The following CEP192 variants were observed in gnomAD, a reference collection of about 807,000 sequenced individuals.
CEP192 encodes centrosomal protein 192.
A neutral mutation model predicts 271.8 loss-of-function variants in CEP192; 151 were observed. The ratio of observed to expected loss-of-function variants is 0.56; its 90% CI spans 0.49 to 0.64. The LOEUF is 0.64. CEP192 is among the 30% of genes least tolerant of loss of function. The pLI is 0.00. For synonymous variants in CEP192, 995 were observed against 1,076.5 expected (o/e 0.92, Z 1.48); for missense variants, 2,910 against 3,020.5 (o/e 0.96, Z 0.86).
chr18:13,034,527 G>A (rs77731688), intron 11 of CEP192, among the ~76,000 whole-genome samples: 4,282 of 152,002 alleles, frequency 0.028, 75 homozygotes, highest in Non-Finnish European at 0.041. Context: ...GCCTGCCTCG[G>A]CCGGGCGCAG....
intron 44 of CEP192, among the ~76,000 whole-genome samples, chr18:13,122,012 G>A (rs1028551064): frequency 1.3e-5 from 2 of 152,206 alleles, no homozygotes; most frequent in Non-Finnish European, 2.9e-5. Context: ...TTTTGGGCCG[G>A]GCATGGTGGC....
chr18:13,075,446 G>T (rs955836927), intron 30 of CEP192, among the ~76,000 whole-genome samples: 13 of 152,092 alleles, frequency 8.5e-5, no homozygotes, highest in African/African-American at 3.1e-4. Context: ...CACACCTGTA[G>T]TCCCAGCTAC....
rs111988318 is a variant in CEP192 at position 13,072,929 on chromosome 18, C to T, written c.5440-80C>T. 17 of 1,541,336 alleles carry T rather than the reference C, an allele frequency of 1.1e-5. No homozygotes were observed. In the African/African-American group the frequency reaches 1.4e-4, roughly 12 times the overall value. ...ATGCAGACCTTTTTGTGTTATTTAG[C>T]TTTTAAGAATCTGTGTTAATGGTAT... is the stretch of plus-strand genomic sequence containing the variant. On this transcript the variant is annotated intron_variant, in intron 29 of 44. Coordinates refer to ENST00000506447, the MANE Select transcript of CEP192 (RefSeq NM_032142.4).
chr18:13,060,721 G>A (rs1031332595), intron 21 of CEP192, among the ~76,000 whole-genome samples: 3 of 152,034 alleles, frequency 2.0e-5, no homozygotes, highest in African/African-American at 4.8e-5. Flanking sequence ...CCAGGAGTTC[G>A]AGACCAGCCT....
At chr18:13,014,955 G>A (rs1171195686) in intron 5 of CEP192, among the ~76,000 whole-genome samples, 2 of 152,212 alleles carry the variant, frequency 1.3e-5, no homozygotes, top group Non-Finnish European at 2.9e-5. Context: ...GGTGCAAACA[G>A]TTCCTTAGAT....
intron 11 of CEP192, among the ~76,000 whole-genome samples, chr18:13,034,074 T>C (rs1256114699): frequency 6.6e-6 from 1 of 152,212 alleles, no homozygotes; most frequent in Non-Finnish European, 1.5e-5. Context: ...GAAAAGCTCT[T>C]TATTGTGGTG....
chr18:13,117,681 T>A, intron 44 of CEP192, 38 bp downstream of exon 44: 1 of 1,527,892 alleles, frequency 6.5e-7, no homozygotes, highest in Non-Finnish European at 9.1e-7. Context: ...TCATCAGCGA[T>A]GCAGGACTTT....
intron 40 of CEP192, among the ~76,000 whole-genome samples, chr18:13,108,297 G>T (rs1325418231): frequency 6.6e-6 from 1 of 152,048 alleles, no homozygotes; most frequent in African/African-American, 2.4e-5. Context: ...CACAAAAATT[G>T]ACAAATGGGA....
At chr18:13,098,104 T>G (rs1361617531) in intron 36 of CEP192, among the ~76,000 whole-genome samples, 1 of 152,228 alleles carries the variant, frequency 6.6e-6, no homozygotes, top group Non-Finnish European at 1.5e-5. Context: ...TTTCCCCCTT[T>G]TCTATTCCAC....
At chr18:13,099,380 A>T (rs925071091) in intron 36 of CEP192, 96 bp from the exon 37 acceptor site, 41 of 619,762 alleles carry the variant, frequency 6.6e-5, no homozygotes, top group Non-Finnish European at 1.1e-4. Flanking sequence ...GCAGTGAGGA[A>T]ATGGCCATTG....
chr18:13,029,539 C>A, intron 9 of CEP192, 124 bp from the exon 10 acceptor site: 1 of 645,388 alleles, frequency 1.5e-6, no homozygotes, highest in Non-Finnish European at 2.6e-6. Flanking sequence ...ACTGTGTGTT[C>A]TCTTCTTTCA....
At chr18:13,021,822 C>T (rs2035014012) in intron 9 of CEP192, among the ~76,000 whole-genome samples, 1 of 152,102 alleles carries the variant, frequency 6.6e-6, no homozygotes, top group African/African-American at 2.4e-5. Flanking sequence ...CTTTCACTTC[C>T]TTGATTAGAT....
chr18:13,001,994 A>T (rs1477049097), intron 3 of CEP192, among the ~76,000 whole-genome samples: 1 of 152,260 alleles, frequency 6.6e-6, no homozygotes, highest in East Asian at 1.9e-4. Context: ...TTAGAATTGT[A>T]GGCGTGAGCC....
In CEP192 at chr18:13,071,188, G is replaced by T. The variant is rs752801886; in HGVS notation, c.5324G>T (p.Gly1775Val). The stretch of plus-strand genomic sequence containing the variant: ...TCCAACAAACAATTTCTGGCTTGGG[G>T]AGGAGTCCCTCTAGGTAGAACACAG... ...ILSNKQFLAW[G>V]GVPLGRTQLQ... is the part of the protein sequence containing the mutation. The change falls in exon 28 of 45, where the codon GGA becomes GTA. Residue 1775 changes from glycine to valine, a missense_variant. Coordinates refer to ENST00000506447, the MANE Select transcript of CEP192 (RefSeq NM_032142.4). The T allele has an allele frequency of 9.9e-6, 16 of 1,613,898 alleles. No homozygotes were observed. Among genetic ancestry groups the T allele is most frequent in the Non-Finnish European group, 1.4e-5 (16 of 1,179,958 alleles).
At chr18:13,082,112 C>CGT (rs989137065) in intron 30 of CEP192, among the ~76,000 whole-genome samples, 2 of 152,132 alleles carry the variant, frequency 1.3e-5, no homozygotes, top group African/African-American at 4.8e-5. Context: ...CTGTAGATGT[C>CGT]TATTAGGTCC....
At chr18:13,106,367 CCA>C (rs1310026035) in intron 40 of CEP192, among the ~76,000 whole-genome samples, 1 of 151,828 alleles carries the variant, frequency 6.6e-6, no homozygotes, top group African/African-American at 2.4e-5. Flanking sequence ...CAGCCACACC[CCA>C]CACAGCTACC....
chr18:13,072,983 T>C (rs778834513), intron 29 of CEP192, 26 bp from the exon 30 acceptor site: 111 of 1,592,672 alleles, frequency 7.0e-5, no homozygotes, highest in Non-Finnish European at 9.1e-5. Context: ...CTTTGTTTTA[T>C]GCATTTAACT....
At position 13,052,901 on chromosome 18, in the gene CEP192, G is replaced by GTC; in HGVS notation, c.3018-18_3018-17insTC. The GTC allele has an allele frequency of 1.3e-6, 2 of 1,545,546 alleles. No homozygotes were observed. Among genetic ancestry groups the GTC allele is most frequent in the Non-Finnish European group, 1.8e-6 (2 of 1,138,622 alleles). Reference sequence around the variant, plus strand: ...AAGGACTGGAGAACTCCAGGTGTGAGCTACTCTTCTCTTTCAGGTGTGCGT... The same window carrying GTC: ...AAGGACTGGAGAACTCCAGGTGTGAGTCCTACTCTTCTCTTTCAGGTGTGCGT... On this transcript the variant is annotated splice_polypyrimidine_tract_variant and intron_variant, in intron 17 of 44. Coordinates refer to ENST00000506447, the MANE Select transcript of CEP192 (RefSeq NM_032142.4).
chr18:13,077,774 C>T lies in CEP192; in HGVS notation c.5616+4589C>T, dbSNP rs62095831. On this transcript the variant is annotated intron_variant, in intron 30 of 44. Coordinates refer to ENST00000506447, the MANE Select transcript of CEP192 (RefSeq NM_032142.4). ...CTAAGAGGATTATAAATACAGTTTT[C>T]CCCAAAAACATTTTATTATGAAAAG... Among the ~76,000 whole-genome samples, 379 of 152,210 alleles carry T rather than the reference C, an allele frequency of 2.5e-3. 2 individuals carry two copies. The highest frequency in any genetic ancestry group is 7.3e-3 in the South Asian group (35 of 4,818).
Sources: allele counts gnomAD v4.1 joint callset (sites outside exome capture counted in the v4.1 genomes callset), GRCh38; gene constraint gnomAD v4.1.1; transcripts MANE v1.5; gene names NCBI Gene and HGNC (gene_info 2026-07-23, HGNC 2026-07-21).